DYTN: variants seen among roughly 807,000 people sequenced by gnomAD.
The protein encoded by DYTN is dystrotelin.
In DYTN, 75 loss-of-function variants were observed where a neutral mutation model predicts 69.6. The ratio of observed to expected loss-of-function variants is 1.08; its 90% CI spans 0.89 to 1.31. The LOEUF (loss-of-function observed/expected upper bound fraction) is 1.31, where lower values mean the gene tolerates loss of function less well. Ranked by LOEUF, DYTN falls within the 50% of genes most tolerant of loss-of-function variation. The pLI, the probability that DYTN is intolerant of heterozygous loss-of-function variation, is 0.00. For missense variants in DYTN, 726 were observed against 688.4 expected, an observed-to-expected ratio of 1.05 and a Z score of -0.61; for synonymous variants, 252 against 249.1, an observed-to-expected ratio of 1.01 and a Z score of -0.11.
At chr2:206,662,525 T>C (rs1325975289) in intron 11 of DYTN, among the ~76,000 whole-genome samples, 1 of 152,036 alleles carries the variant, frequency 6.6e-6, no homozygotes, top group Non-Finnish European at 1.5e-5. Flanking sequence ...ATCAATTCTC[T>C]TCTAGAAAGA....
At chr2:206,687,455 A>G (rs2105895723) in intron 9 of DYTN, 1 of 152,270 alleles carries the variant, frequency 6.6e-6, no homozygotes, top group Middle Eastern at 3.4e-3. Context: ...AGCATCATTT[A>G]TCTTATTACC....
chr2:206,694,861 A>C lies in DYTN; in HGVS notation c.736T>G (p.Cys246Gly). The part of the protein sequence containing the change: ...ITGLRYRCLK[C>G]LNFDICQMCF... Reference sequence around the variant, plus strand: ...ATCTGGCAGATGTCAAAGTTGAGACACTTCAGACAGCGGTATCTGCCAGTT... The same window carrying C: ...ATCTGGCAGATGTCAAAGTTGAGACCCTTCAGACAGCGGTATCTGCCAGTT... The change falls in exon 8 of 12, where the codon TGT (cysteine) becomes GGT (glycine). Residue 246 changes from cysteine to glycine, a missense_variant. By Grantham distance (159) the Cys-to-Gly change is radical. Coordinates refer to ENST00000452335, the MANE Select transcript of DYTN (RefSeq NM_001093730.1). 2 of 1,605,678 alleles carry C rather than the reference A, an allele frequency of 1.2e-6. No individual in the cohort carries two copies. The highest frequency in any genetic ancestry group is 1.7e-6 in the Non-Finnish European group (2 of 1,176,920).
intron 1 of DYTN, among the ~76,000 whole-genome samples, chr2:206,717,043 AACACACACACAC>A (rs71852382): frequency 2.5e-4 from 36 of 143,726 alleles, no homozygotes; most frequent in Admixed American, 1.2e-3. Flanking sequence ...TGCCGATGCA[AACACACACACAC>A]ACACACACAC....
chr2:206,682,640 A>G (rs1002601301), intron 9 of DYTN, among the ~76,000 whole-genome samples: 1 of 152,150 alleles, frequency 6.6e-6, no homozygotes, highest in Admixed American at 6.5e-5. Context: ...ACAACCATTA[A>G]CATGCCAACA....
intron 9 of DYTN, among the ~76,000 whole-genome samples, chr2:206,681,368 T>C (rs1699748372): frequency 6.6e-6 from 1 of 152,164 alleles, no homozygotes; most frequent in Non-Finnish European, 1.5e-5. Flanking sequence ...CCTTTATTTC[T>C]TTCTCTTGCC....
In DYTN at chr2:206,665,905, A is replaced by G. The variant is rs748157159; in HGVS notation, c.1105T>C (p.Trp369Arg). Residue 369 changes from tryptophan (W) to arginine (R), a missense_variant, in exon 10 of 12, where the codon TGG becomes CGG. Physicochemically the swap from Trp to Arg is moderately radical, Grantham distance 101 (BLOSUM62 -3). Transcript: ENST00000452335. ...CGTCTTATCTGTTGTAGCTTGGTCCATAGACTATCCTGGTTGGTTTTGAGT... is the reference window on the plus strand; with the variant it reads ...CGTCTTATCTGTTGTAGCTTGGTCCGTAGACTATCCTGGTTGGTTTTGAGT... ...HKLKTNQDSLWTKLQQIRRDL... is the reference protein window; with the variant it reads ...HKLKTNQDSLRTKLQQIRRDL... 7.4e-6 allele frequency: 12 copies of G among 1,613,840 alleles called. No homozygotes were observed. The highest frequency in any genetic ancestry group is 9.3e-6 in the Non-Finnish European group (11 of 1,179,876).
intron 7 of DYTN, 126 bp downstream of exon 7, chr2:206,699,601 A>G: frequency 5.9e-6 from 7 of 1,182,730 alleles, no homozygotes; most frequent in Non-Finnish European, 8.0e-6. Context: ...GAAATCATTG[A>G]GCCAAAAAAG....
intron 11 of DYTN, among the ~76,000 whole-genome samples, chr2:206,653,765 G>A (rs1699415220): frequency 6.6e-6 from 1 of 152,070 alleles, no homozygotes; most frequent in Non-Finnish European, 1.5e-5. Flanking sequence ...TCTTCATTTG[G>A]ATGTCTCTCA....
intron 5 of DYTN, among the ~76,000 whole-genome samples, chr2:206,700,544 A>G (rs1371800595): frequency 6.6e-6 from 1 of 152,086 alleles, no homozygotes; most frequent in East Asian, 1.9e-4. Flanking sequence ...TTGTTCACCT[A>G]TGAAATGAAG....
intron 1 of DYTN, among the ~76,000 whole-genome samples, chr2:206,715,585 G>A (rs2359682): frequency 0.4 from 60,603 of 151,892 alleles, 14,452 homozygotes; most frequent in East Asian, 0.8. Flanking sequence ...AGGGTGAGGT[G>A]AGGGAGAATG....
rs762160210 is a variant in DYTN at position 206,699,807 on chromosome 2, G to A, written c.639C>T (p.Cys213=). 2.4e-5 allele frequency: 38 copies of A among 1,613,764 alleles called. No homozygotes were observed. Among genetic ancestry groups the A allele is most frequent in the Non-Finnish European group, 2.9e-5 (34 of 1,179,836 alleles). The part of the protein sequence containing the change: ...EPPILLWLPT[C]HRLSAAERVT... ...CCCTTTCAGCAGCTGATAACCGGTG[G>A]CAGGTCGGGAGCCACAGGAGGATGG... The change falls in exon 7 of 12, where the codon TGC becomes TGT. Residue 213 remains cysteine, a synonymous_variant. Transcript: ENST00000452335.
chr2:206,672,678 T>C (rs1298316675), intron 9 of DYTN, among the ~76,000 whole-genome samples: 1 of 152,238 alleles, frequency 6.6e-6, no homozygotes, highest in East Asian at 1.9e-4. Context: ...ACTCCAGTTT[T>C]TCTCTGACTA....
chr2:206,707,753 CA>C (rs1461034090), intron 2 of DYTN, among the ~76,000 whole-genome samples: 2 of 151,964 alleles, frequency 1.3e-5, no homozygotes, highest in Non-Finnish European at 2.9e-5. Context: ...ACATTATTAC[CA>C]GTACAGTTTC....
chr2:206,707,723 G>A (rs1700041524), intron 2 of DYTN, among the ~76,000 whole-genome samples: 1 of 152,156 alleles, frequency 6.6e-6, no homozygotes, highest in African/African-American at 2.4e-5. Context: ...AGGTGCATCT[G>A]TTAGTAAAGC....
At chr2:206,693,434 A>G (rs1330215041) in intron 8 of DYTN, 111 bp from the exon 9 acceptor site, 4 of 1,347,034 alleles carry the variant, frequency 3.0e-6, no homozygotes, top group Non-Finnish European at 2.0e-6. Flanking sequence ...TATTTCTCTT[A>G]AGTCCTCAGA....
intron 11 of DYTN, among the ~76,000 whole-genome samples, chr2:206,659,893 G>A (rs1251822573): frequency 3.3e-5 from 5 of 152,032 alleles, no homozygotes; most frequent in Non-Finnish European, 7.4e-5. Context: ...AAGGAAATAA[G>A]ACTAATATAA....
chr2:206,694,688 G>T, intron 8 of DYTN, 78 bp downstream of exon 8: 1 of 1,187,202 alleles, frequency 8.4e-7, no homozygotes. Flanking sequence ...TGGTTTCACT[G>T]GAGGGAAGGT....
At position 206,695,392 on chromosome 2, in the gene DYTN, T is replaced by G. The variant is rs565275040; in HGVS notation, c.720-515A>C. On this transcript the variant is annotated intron_variant, in intron 7 of 11. Transcript: ENST00000452335. Reference sequence around the variant, plus strand: ...AAAATTAAGCCATAAATAACAAATTTAAAAATAAGCACTCGTCATTTTATA... The same window carrying G: ...AAAATTAAGCCATAAATAACAAATTGAAAAATAAGCACTCGTCATTTTATA... Among the ~76,000 whole-genome samples, 3 of 152,302 alleles carry G rather than the reference T, an allele frequency of 2.0e-5. No homozygotes were observed. The South Asian group carries it at 6.2e-4, about 32-fold the overall frequency.
chr2:206,680,741 G>A (rs984042953), intron 9 of DYTN, among the ~76,000 whole-genome samples: 1 of 152,124 alleles, frequency 6.6e-6, no homozygotes, highest in African/African-American at 2.4e-5. Context: ...CTATTCTAAA[G>A]TGAATCCTTC....
Sources: allele counts gnomAD v4.1 joint callset (sites outside exome capture counted in the v4.1 genomes callset), GRCh38; gene constraint gnomAD v4.1.1; transcripts MANE v1.5; gene names NCBI Gene and HGNC (gene_info 2026-07-23, HGNC 2026-07-21).